The following FGF14 variants were observed in gnomAD, a reference collection of about 807,000 sequenced individuals.
FGF14 encodes fibroblast growth factor homologous factor 4.
Under a neutral mutation model 25.5 loss-of-function variants are expected in FGF14, and 5 were observed. That is an observed-to-expected ratio of 0.20 (90% CI 0.10 to 0.41). The LOEUF (loss-of-function observed/expected upper bound fraction) is 0.41, where lower values mean the gene tolerates loss of function less well. FGF14 is among the 10% of genes least tolerant of loss of function. FGF14 has a pLI of 1.00. For missense variants in FGF14, 222 were observed against 320.1 expected (o/e 0.69, Z 2.34); for synonymous variants, 138 against 118.3 (o/e 1.17, Z -1.08).
At chr13:102,006,953 C>A (rs1342057550) in intron 1 of FGF14, among the ~76,000 whole-genome samples, 7 of 150,884 alleles carry the variant, frequency 4.6e-5, no homozygotes, top group African/African-American at 1.7e-4. Context: ...ACCTTGTTAG[C>A]CAGGATGGTC....
chr13:102,372,267 A>G (rs904086787), intron 1 of FGF14, among the ~76,000 whole-genome samples: 2 of 152,172 alleles, frequency 1.3e-5, no homozygotes, highest in African/African-American at 2.4e-5. Flanking sequence ...TTTAGAAAAA[A>G]TAAGAAACCT....
chr13:101,863,705 C>G (rs1284550676), intron 3 of FGF14, among the ~76,000 whole-genome samples: 1 of 152,080 alleles, frequency 6.6e-6, no homozygotes, highest in Admixed American at 6.6e-5. Flanking sequence ...AGGTACCATA[C>G]TGATAAAACA....
At chr13:102,183,193 TA>T (rs545469470) in intron 1 of FGF14, among the ~76,000 whole-genome samples, 8 of 151,972 alleles carry the variant, frequency 5.3e-5, no homozygotes, top group South Asian at 2.1e-4. Context: ...TATTTGCCTA[TA>T]AAAAAAAGAC....
At chr13:101,943,888 G>A (rs910356685) in intron 1 of FGF14, among the ~76,000 whole-genome samples, 4 of 148,568 alleles carry the variant, frequency 2.7e-5, no homozygotes, top group African/African-American at 1.0e-4. Flanking sequence ...TGTAATCCCA[G>A]GTACTGGGGA....
At chr13:102,046,041 G>T (rs566773129) in intron 1 of FGF14, 1 of 154,370 alleles carries the variant, frequency 6.5e-6, no homozygotes, top group African/African-American at 2.4e-5. Flanking sequence ...ATGTTCTTAA[G>T]GACTTTTGTC....
chr13:101,952,843 C>T (rs1317408803), intron 1 of FGF14, among the ~76,000 whole-genome samples: 1 of 152,092 alleles, frequency 6.6e-6, no homozygotes, highest in African/African-American at 2.4e-5. Context: ...CTAGCCTGAC[C>T]AACATGGTGA....
chr13:102,161,654 A>AG, intron 1 of FGF14, among the ~76,000 whole-genome samples: 1 of 14,974 alleles, frequency 6.7e-5, no homozygotes, highest in Non-Finnish European at 1.3e-4. Context: ...AAGAAGAAGA[A>AG]GAAGAAGAAG....
intron 1 of FGF14, among the ~76,000 whole-genome samples, chr13:102,154,163 G>A (rs955562731): frequency 4.6e-5 from 7 of 152,014 alleles, no homozygotes; most frequent in African/African-American, 1.2e-4. Context: ...GAAATACAGA[G>A]AATGCCACAA....
At chr13:101,836,696 T>C (rs975514384) in intron 3 of FGF14, among the ~76,000 whole-genome samples, 9 of 152,128 alleles carry the variant, frequency 5.9e-5, no homozygotes, top group Admixed American at 1.3e-4. Flanking sequence ...TTTCCAAGTG[T>C]ATGACAGTAT....
chr13:102,047,229 T>C (rs1461537745), intron 1 of FGF14, among the ~76,000 whole-genome samples: 1 of 152,148 alleles, frequency 6.6e-6, no homozygotes, highest in Middle Eastern at 3.2e-3. Flanking sequence ...ATTTTTGCTT[T>C]ATATAAAAAA....
intron 1 of FGF14, among the ~76,000 whole-genome samples, chr13:102,358,247 T>C (rs1566960069): frequency 6.6e-6 from 1 of 152,230 alleles, no homozygotes; most frequent in African/African-American, 2.4e-5. Flanking sequence ...TTTTCAGGAA[T>C]ACATTAATTA....
At chr13:102,274,592 A>G (rs1233974300) in intron 1 of FGF14, among the ~76,000 whole-genome samples, 2 of 152,168 alleles carry the variant, frequency 1.3e-5, no homozygotes, top group Non-Finnish European at 2.9e-5. Context: ...TGTTGCTCAG[A>G]AGTTCTGATT....
intron 1 of FGF14, among the ~76,000 whole-genome samples, chr13:102,078,587 T>C (rs947143382): frequency 5.3e-5 from 8 of 152,154 alleles, no homozygotes; most frequent in Non-Finnish European, 1.2e-4. Context: ...GAAGCAGGTA[T>C]CAGGGGAGGC....
chr13:101,930,391 TA>T (rs752338896), intron 1 of FGF14, among the ~76,000 whole-genome samples: 19 of 152,182 alleles, frequency 1.2e-4, no homozygotes, highest in Non-Finnish European at 2.5e-4. Context: ...GGCTCCTGGG[TA>T]AACATACTTC....
At chr13:102,096,512 A>G (rs1329554891) in intron 1 of FGF14, among the ~76,000 whole-genome samples, 2 of 152,132 alleles carry the variant, frequency 1.3e-5, no homozygotes, top group Non-Finnish European at 2.9e-5. Flanking sequence ...TTCACTGAAA[A>G]CTTAATATGC....
intron 1 of FGF14, among the ~76,000 whole-genome samples, chr13:101,987,057 T>G (rs1431045015): frequency 1.3e-5 from 2 of 152,096 alleles, no homozygotes. Flanking sequence ...GTCCATGCCA[T>G]GATTGGACTC....
At chr13:101,893,045 C>T (rs569405577) in intron 1 of FGF14, among the ~76,000 whole-genome samples, 16 of 152,208 alleles carry the variant, frequency 1.1e-4, no homozygotes, top group African/African-American at 3.1e-4. Context: ...AGTTAAGATG[C>T]CATACCCATG....
chr13:101,881,328 T>C (rs981434212), intron 1 of FGF14, among the ~76,000 whole-genome samples: 16 of 152,198 alleles, frequency 1.1e-4, no homozygotes, highest in Admixed American at 4.6e-4. Context: ...TAGAAACACA[T>C]TGGAGCTCTC....
intron 1 of FGF14, among the ~76,000 whole-genome samples, chr13:102,176,793 T>C (rs1210828091): frequency 6.6e-6 from 1 of 152,090 alleles, no homozygotes; most frequent in Non-Finnish European, 1.5e-5. Flanking sequence ...ATTACCTTGA[T>C]CATGGTGATG....
Sources: allele counts gnomAD v4.1 joint callset (sites outside exome capture counted in the v4.1 genomes callset), GRCh38; gene constraint gnomAD v4.1.1; transcripts MANE v1.5; gene names NCBI Gene and HGNC (gene_info 2026-07-23, HGNC 2026-07-21).